GCH1: variants seen among roughly 807,000 people sequenced by gnomAD.
The protein encoded by GCH1 is GTP cyclohydrolase I.
A neutral mutation model predicts 25.9 loss-of-function variants in GCH1; 5 were observed. That is an observed-to-expected ratio of 0.19 (90% CI 0.10 to 0.41). The LOEUF (loss-of-function observed/expected upper bound fraction) is 0.41. GCH1 is among the 10% of genes least tolerant of loss of function. The probability of loss-of-function intolerance (pLI) is 1.00; values close to 1 mark genes in which losing one functional copy is unlikely to be tolerated. For missense variants in GCH1, 261 were observed against 336.5 expected, an observed-to-expected ratio of 0.78 and a Z score of 1.75; for synonymous variants, 159 against 129.6, an observed-to-expected ratio of 1.23 and a Z score of -1.54.
rs551807951 is a variant in GCH1, at chr14:54,902,195, G to T, written c.343+126C>A. On this transcript the variant is annotated intron_variant, in intron 1 of 5. Transcript: ENST00000491895. The stretch of plus-strand genomic sequence containing the variant: ...GCGGCAGGCTAGGGCGGGTTCGGAG[G>T]TGACAGCGCCCGGCTTCCTGCGCCA... 1.2e-5 allele frequency: 13 copies of T among 1,057,628 alleles called. No individual in the cohort carries two copies. The South Asian group carries it at 1.7e-4, about 13-fold the overall frequency. The allele number at this position is 1,057,628 out of a possible 1,614,324, so 65.5% of individuals were successfully genotyped here.
chr14:54,870,658 C>A (rs1473667899), intron 1 of GCH1, among the ~76,000 whole-genome samples: 1 of 152,222 alleles, frequency 6.6e-6, no homozygotes. Flanking sequence ...CCTAATACTG[C>A]ACTTTTCCAA....
chr14:54,861,259 A>G (rs1268994374), intron 2 of GCH1, among the ~76,000 whole-genome samples: 1 of 152,236 alleles, frequency 6.6e-6, no homozygotes, highest in Non-Finnish European at 1.5e-5. Flanking sequence ...AGGAGGAAAA[A>G]GTAAAATAGC....
chr14:54,848,584 T>A (rs2039679644), intron 3 of GCH1, among the ~76,000 whole-genome samples: 1 of 152,176 alleles, frequency 6.6e-6, no homozygotes, highest in Admixed American at 6.5e-5. Context: ...AATTTATGGT[T>A]CACCTCCCTA....
chr14:54,884,969 G>T, intron 1 of GCH1: 1 of 183,024 alleles, frequency 5.5e-6, no homozygotes, highest in South Asian at 1.1e-4. Context: ...CCAAGAACAT[G>T]GTCAGCAGAT....
At chr14:54,893,823 G>A (rs114209598) in intron 1 of GCH1, among the ~76,000 whole-genome samples, 2,613 of 152,264 alleles carry the variant, frequency 0.017, 63 homozygotes, top group African/African-American at 0.047. Context: ...CTTAAGCATC[G>A]CTTCACCCAT....
intron 2 of GCH1, 147 bp downstream of exon 2, chr14:54,865,180 C>T: frequency 5.3e-6 from 3 of 568,260 alleles, no homozygotes; most frequent in South Asian, 4.5e-5. Context: ...AGTTATTAGT[C>T]AGGTTAATAA....
chr14:54,900,706 A>G (rs2040552392), intron 1 of GCH1, among the ~76,000 whole-genome samples: 1 of 152,210 alleles, frequency 6.6e-6, no homozygotes, highest in Non-Finnish European at 1.5e-5. Context: ...GCTAGATTAC[A>G]GAACACTGTC....
intron 1 of GCH1, among the ~76,000 whole-genome samples, chr14:54,897,495 G>A (rs1043650376): frequency 2.0e-5 from 3 of 151,164 alleles, no homozygotes; most frequent in Non-Finnish European, 4.4e-5. Flanking sequence ...CTCCATGTTA[G>A]TCAGGTTGGT....
intron 3 of GCH1, chr14:54,859,459 T>C: frequency 1.8e-6 from 1 of 565,032 alleles, no homozygotes; most frequent in East Asian, 3.1e-5. Flanking sequence ...AGGATGTATG[T>C]ATCTATGGAA....
intron 2 of GCH1, among the ~76,000 whole-genome samples, chr14:54,860,571 C>T (rs1454754713): frequency 1.4e-5 from 2 of 142,568 alleles, no homozygotes; most frequent in Non-Finnish European, 3.0e-5. Flanking sequence ...GATGGAGTCT[C>T]ACTCTGTCGC....
At chr14:54,889,589 C>T (rs1471478309) in intron 1 of GCH1, among the ~76,000 whole-genome samples, 2 of 152,220 alleles carry the variant, frequency 1.3e-5, no homozygotes, top group Non-Finnish European at 2.9e-5. Flanking sequence ...CCAATTTCCT[C>T]ACCTAAACCT....
At chr14:54,870,583 G>T (rs1299028807) in intron 1 of GCH1, among the ~76,000 whole-genome samples, 1 of 152,214 alleles carries the variant, frequency 6.6e-6, no homozygotes, top group Non-Finnish European at 1.5e-5. Context: ...AGGGGTCAGG[G>T]AATTCCCTTT....
chr14:54,843,054 C>A lies in GCH1; in HGVS notation c.*963G>T. On this transcript the variant is annotated 3_prime_UTR_variant, in exon 6 of 6. Transcript: ENST00000491895. ...TGCGTGGAAGCTATGGTTCTGCAGACCTGAAAATGATGGGCACTCTCAAAT... is the reference window on the plus strand; with the variant it reads ...TGCGTGGAAGCTATGGTTCTGCAGAACTGAAAATGATGGGCACTCTCAAAT... The A allele has an allele frequency of 9.4e-7, 1 of 1,065,430 alleles. No individual in the cohort carries two copies. The highest frequency in any genetic ancestry group is 1.3e-5 in the South Asian group (1 of 79,242). 66.0% of individuals were successfully genotyped at this position (1,065,430 alleles called of 1,614,324 possible). A position where few individuals can be genotyped will look rare whatever the true frequency, so the allele number is the denominator to read the frequency against.
intron 3 of GCH1, among the ~76,000 whole-genome samples, chr14:54,858,664 A>T (rs1317248021): frequency 2.6e-5 from 4 of 152,014 alleles, no homozygotes; most frequent in Non-Finnish European, 5.9e-5. Context: ...TTTTGAAAAA[A>T]AAAAAGAGTA....
chr14:54,860,008 G>A (rs879568247), intron 2 of GCH1, among the ~76,000 whole-genome samples: 24 of 152,094 alleles, frequency 1.6e-4, no homozygotes, highest in Non-Finnish European at 3.1e-4. Context: ...TGGTAAATGC[G>A]GGAGATTGCT....
chr14:54,889,279 C>T (rs1359629945), intron 1 of GCH1, among the ~76,000 whole-genome samples: 1 of 152,240 alleles, frequency 6.6e-6, no homozygotes, highest in African/African-American at 2.4e-5. Flanking sequence ...GGCCTCTCAT[C>T]TGATCTCCAG....
Position 54,848,356 on chromosome 14 carries a change from C to T in GCH1, c.510-1226G>A, listed in dbSNP as rs534220516. Reference sequence around the variant, plus strand: ...TTCACCATGTTGGCCAGGCTGGTCTCGAACTTCTGACCTCGTGATCTGCCC... The same window carrying T: ...TTCACCATGTTGGCCAGGCTGGTCTTGAACTTCTGACCTCGTGATCTGCCC... On this transcript the variant is annotated intron_variant, in intron 3 of 5. Coordinates refer to ENST00000491895, the MANE Select transcript of GCH1 (RefSeq NM_000161.3). 1.3e-4 allele frequency among the ~76,000 whole-genome samples: 20 copies of T among 152,170 alleles called. No homozygotes were observed. In the East Asian group the frequency reaches 2.9e-3, roughly 22 times the overall value.
chr14:54,862,202 T>A (rs1161310782), intron 2 of GCH1, among the ~76,000 whole-genome samples: 2 of 151,660 alleles, frequency 1.3e-5, no homozygotes, highest in Non-Finnish European at 2.9e-5. Context: ...CCAATTAATT[T>A]TAAAAAAAAA....
At chr14:54,892,174 AG>A (rs1438631912) in intron 1 of GCH1, among the ~76,000 whole-genome samples, 1 of 152,158 alleles carries the variant, frequency 6.6e-6, no homozygotes, top group East Asian at 1.9e-4. Context: ...GTAAGTGCTT[AG>A]TTAAGATGGA....
Sources: gnomAD v4.1 joint callset for allele counts (sites outside exome capture counted in the v4.1 genomes callset) on GRCh38, gnomAD v4.1.1 for gene constraint, MANE v1.5 for transcripts, NCBI Gene and HGNC (gene_info 2026-07-23, HGNC 2026-07-21) for gene names.